CNTN4: variants seen among roughly 807,000 people sequenced by gnomAD.
The protein encoded by CNTN4 is contactin-4.
CNTN4 carries 77 observed loss-of-function variants against 122.5 expected under a neutral mutation model. The ratio of observed to expected loss-of-function variants is 0.63; its 90% CI spans 0.52 to 0.76. CNTN4 has a LOEUF of 0.76. CNTN4 is among the 30% of genes least tolerant of loss of function. CNTN4 has a pLI of 0.00. For synonymous variants in CNTN4, 512 were observed against 447.0 expected (o/e 1.15, Z -1.83); for missense variants, 1,256 against 1,259.1 (o/e 1.00, Z 0.04).
At chr3:2,504,774 C>T (rs1011653697) in intron 3 of CNTN4, among the ~76,000 whole-genome samples, 2 of 152,128 alleles carry the variant, frequency 1.3e-5, no homozygotes, top group Non-Finnish European at 2.9e-5. Flanking sequence ...TTCTTCAAAA[C>T]ATTTGAATTA....
chr3:3,007,647 C>T (rs913377539), intron 14 of CNTN4, among the ~76,000 whole-genome samples: 1 of 152,148 alleles, frequency 6.6e-6, no homozygotes, highest in South Asian at 2.1e-4. Context: ...CTGCACGTTA[C>T]CCTATTAAAA....
intron 10 of CNTN4, among the ~76,000 whole-genome samples, chr3:2,898,090 C>T (rs758336055): frequency 6.6e-6 from 1 of 152,136 alleles, no homozygotes; most frequent in Non-Finnish European, 1.5e-5. Context: ...GAAAAACTCA[C>T]TCGTTTAGAT....
chr3:2,750,931 G>A (rs2090056381), intron 6 of CNTN4, among the ~76,000 whole-genome samples: 1 of 152,154 alleles, frequency 6.6e-6, no homozygotes, highest in Non-Finnish European at 1.5e-5. Flanking sequence ...TCACCTTGAG[G>A]TTGATACAGA....
intron 3 of CNTN4, among the ~76,000 whole-genome samples, chr3:2,468,686 G>C (rs760258036): frequency 6.6e-6 from 1 of 152,100 alleles, no homozygotes; most frequent in South Asian, 2.1e-4. Flanking sequence ...ATTCATGTCA[G>C]CAGTGACCTA....
chr3:2,275,380 A>G (rs1175474132), intron 2 of CNTN4, among the ~76,000 whole-genome samples: 1 of 152,194 alleles, frequency 6.6e-6, no homozygotes. Context: ...CCTCATAACT[A>G]TCTTTTATCG....
At chr3:2,592,506 G>A (rs755656932) in intron 4 of CNTN4, among the ~76,000 whole-genome samples, 1 of 152,148 alleles carries the variant, frequency 6.6e-6, no homozygotes, top group African/African-American at 2.4e-5. Context: ...ATGGGGATGG[G>A]TCTTTCCCAT....
intron 2 of CNTN4, among the ~76,000 whole-genome samples, chr3:2,298,890 A>C (rs1266147142): frequency 6.6e-6 from 1 of 152,216 alleles, no homozygotes; most frequent in Non-Finnish European, 1.5e-5. Context: ...GTAACATGTG[A>C]AACACTTGGT....
chr3:2,907,486 T>C (rs912290319), intron 12 of CNTN4, among the ~76,000 whole-genome samples: 2 of 150,750 alleles, frequency 1.3e-5, no homozygotes, highest in African/African-American at 2.4e-5. Context: ...GGCAGGAGAA[T>C]CACTTGAACC....
intron 4 of CNTN4, among the ~76,000 whole-genome samples, chr3:2,579,862 G>A (rs2079857043): frequency 2.0e-5 from 3 of 152,184 alleles, no homozygotes; most frequent in Admixed American, 2.0e-4. Flanking sequence ...TATGGTGACA[G>A]TGATGTTGAC....
At chr3:2,965,457 C>T (rs1213884002) in intron 13 of CNTN4, among the ~76,000 whole-genome samples, 2 of 152,160 alleles carry the variant, frequency 1.3e-5, no homozygotes, top group Admixed American at 6.5e-5. Flanking sequence ...TGAAAGGTGA[C>T]CAACGCAACT....
intron 14 of CNTN4, among the ~76,000 whole-genome samples, chr3:3,005,588 G>T (rs970210664): frequency 2.1e-5 from 3 of 141,038 alleles, no homozygotes; most frequent in African/African-American, 9.6e-5. Flanking sequence ...GTGGTCTAGA[G>T]AGTTCAAGAC....
intron 4 of CNTN4, among the ~76,000 whole-genome samples, chr3:2,634,882 C>A (rs2082595977): frequency 6.6e-6 from 1 of 151,462 alleles, no homozygotes; most frequent in South Asian, 2.1e-4. Context: ...ATAAAAAATT[C>A]TATAAATGAT....
rs1701520170 is a variant in CNTN4 at position 3,053,857 on chromosome 3, TA to T, written c.2866del (p.Thr956HisfsTer14). The T allele has an allele frequency of 6.2e-7, 1 of 1,614,042 alleles. No homozygotes were observed. The highest frequency in any genetic ancestry group is 8.5e-7 in the Non-Finnish European group (1 of 1,180,016). On this transcript the variant is annotated frameshift_variant, in exon 24 of 25. Transcript: ENST00000418658. LOFTEE classifies it high-confidence loss of function. Reference protein sequence around the residue: ...QSSTSVIETNKTSVELSLPFD... With the variant: ...QSSTSVIETNXTSVELSLPFD... ...GCAGCACATCTGTCATTGAAACAAA[TA>T]AAACATCGGTGGAGCTTTCTTTGCC...
chr3:3,026,109 A>C lies in CNTN4; in HGVS notation c.1494A>C (p.Thr498=). Residue 498 remains threonine, a synonymous_variant, in exon 15 of 25, where the codon ACA becomes ACC. Coordinates refer to ENST00000418658, the MANE Select transcript of CNTN4 (RefSeq NM_175607.3). ...TTTGTTTTAACTCTCCAGATCCAAC[A>C]AGGGTAATGGTACCCCCTTCCAGTA... ...STGNLVVKDP[T]RVMVPPSSMD... The C allele has an allele frequency of 1.2e-6, 2 of 1,613,144 alleles. No individual in the cohort carries two copies. Among genetic ancestry groups the C allele is most frequent in the Non-Finnish European group, 1.7e-6 (2 of 1,179,300 alleles).
At chr3:2,436,711 C>G (rs2048270184) in intron 3 of CNTN4, among the ~76,000 whole-genome samples, 1 of 151,608 alleles carries the variant, frequency 6.6e-6, no homozygotes, top group South Asian at 2.1e-4. Flanking sequence ...AATCTCTGAT[C>G]TGCAGTTTAA....
intron 4 of CNTN4, among the ~76,000 whole-genome samples, chr3:2,601,233 T>C (rs1258053057): frequency 4.6e-5 from 7 of 152,202 alleles, no homozygotes; most frequent in Admixed American, 6.5e-5. Context: ...ATTTTGGCTT[T>C]TGTTGCCATT....
intron 2 of CNTN4, among the ~76,000 whole-genome samples, chr3:2,291,926 G>A (rs917692730): frequency 6.6e-6 from 1 of 151,918 alleles, no homozygotes; most frequent in Admixed American, 6.6e-5. Flanking sequence ...AGTGGAGATG[G>A]GGTTTCACCA....
chr3:2,784,004 G>A (rs942446630), intron 6 of CNTN4, among the ~76,000 whole-genome samples: 2 of 152,200 alleles, frequency 1.3e-5, no homozygotes, highest in Non-Finnish European at 2.9e-5. Context: ...TCTTCTGGGT[G>A]TATATTTGTC....
intron 3 of CNTN4, among the ~76,000 whole-genome samples, chr3:2,522,636 G>A (rs1483250859): frequency 6.6e-6 from 1 of 151,984 alleles, no homozygotes; most frequent in Non-Finnish European, 1.5e-5. Context: ...AAACAGTTTG[G>A]ACAGTGCTTC....
Sources: gnomAD v4.1 joint callset for allele counts (sites outside exome capture counted in the v4.1 genomes callset) on GRCh38, gnomAD v4.1.1 for gene constraint, MANE v1.5 for transcripts, NCBI Gene and HGNC (gene_info 2026-07-23, HGNC 2026-07-21) for gene names.